Variants in IFT80 observed in about 807,000 individuals in gnomAD.
The protein encoded by IFT80 is intraflagellar transport protein 80 homolog.
In IFT80, 79 loss-of-function variants were observed where a neutral mutation model predicts 107.9. That is an observed-to-expected ratio of 0.73 (90% CI 0.61 to 0.88). IFT80 has a LOEUF of 0.88. IFT80 is among the 40% of genes least tolerant of loss of function. IFT80 has a pLI of 0.00. For missense variants in IFT80, 797 were observed against 914.2 expected, an observed-to-expected ratio of 0.87 and a Z score of 1.65; for synonymous variants, 299 against 300.9, an observed-to-expected ratio of 0.99 and a Z score of 0.07.
intron 15 of IFT80, 88 bp downstream of exon 15, chr3:160,280,579 T>C: frequency 8.9e-7 from 1 of 1,123,876 alleles, no homozygotes; most frequent in Non-Finnish European, 1.3e-6. Flanking sequence ...GTAAAACACC[T>C]TGCAGGATTG....
Position 160,277,418 on chromosome 3 carries a change from C to T in IFT80, c.1987G>A (p.Ala663Thr). 6.2e-7 allele frequency: 1 copy of T among 1,611,242 alleles called. No homozygotes were observed. The highest frequency in any genetic ancestry group is 8.5e-7 in the Non-Finnish European group (1 of 1,177,616). ...KNLPSKESKM[A>T]HILLFSGNIQ... Reference sequence around the variant, plus strand: ...TTCCCACTAAACAGTAGTATGTGGGCCATTTTTGATTCTTTAGATGGAAGA... The same window carrying T: ...TTCCCACTAAACAGTAGTATGTGGGTCATTTTTGATTCTTTAGATGGAAGA... The change falls in exon 18 of 20, where the codon GCC becomes ACC. Residue 663 changes from alanine (A) to threonine (T), a missense_variant. Coordinates refer to ENST00000326448, the MANE Select transcript of IFT80 (RefSeq NM_020800.3).
chr3:160,267,756 G>A (rs1713458868), intron 19 of IFT80, among the ~76,000 whole-genome samples: 2 of 152,164 alleles, frequency 1.3e-5, no homozygotes, highest in African/African-American at 4.8e-5. Flanking sequence ...ATTTAGAGGT[G>A]GGGTCTTGCT....
chr3:160,277,205 G>C, intron 18 of IFT80, 101 bp downstream of exon 18: 1 of 1,010,154 alleles, frequency 9.9e-7, no homozygotes, highest in Non-Finnish European at 1.6e-6. Flanking sequence ...GTGGTGTTAA[G>C]AAACTAAAAT....
chr3:160,398,401 G>GA (rs907927258), intron 1 of IFT80, among the ~76,000 whole-genome samples: 5 of 150,484 alleles, frequency 3.3e-5, no homozygotes, highest in African/African-American at 4.9e-5. Context: ...AAAAGTTAAA[G>GA]AAAAAAAAAG....
chr3:160,372,456 T>C (rs999142873), intron 5 of IFT80, among the ~76,000 whole-genome samples: 1 of 152,316 alleles, frequency 6.6e-6, no homozygotes, highest in East Asian at 1.9e-4. Flanking sequence ...TTACTGTCAT[T>C]ATAACAACTT....
chr3:160,382,808 T>C (rs1179367843), intron 2 of IFT80, among the ~76,000 whole-genome samples: 1 of 152,210 alleles, frequency 6.6e-6, no homozygotes, highest in Non-Finnish European at 1.5e-5. Flanking sequence ...TTCTAGGATG[T>C]TCCAAGATTT....
intron 18 of IFT80, among the ~76,000 whole-genome samples, chr3:160,271,249 A>AT (rs1713784367): frequency 6.6e-6 from 1 of 152,268 alleles, no homozygotes; most frequent in East Asian, 1.9e-4. Flanking sequence ...TGGGAACAGT[A>AT]TGTCTCTAGT....
At chr3:160,382,838 A>G (rs1712629952) in intron 2 of IFT80, among the ~76,000 whole-genome samples, 1 of 152,208 alleles carries the variant, frequency 6.6e-6, no homozygotes, top group African/African-American at 2.4e-5. Context: ...TCAAAATACA[A>G]TAGATTAAGC....
At chr3:160,381,478 C>A in intron 3 of IFT80, 25 bp downstream of exon 3, 1 of 1,508,270 alleles carries the variant, frequency 6.6e-7, no homozygotes, top group Non-Finnish European at 9.2e-7. Flanking sequence ...CAATGGCGAG[C>A]ATATAATGTT....
At chr3:160,311,926 G>A (rs1576790413) in intron 9 of IFT80, among the ~76,000 whole-genome samples, 2 of 152,022 alleles carry the variant, frequency 1.3e-5, no homozygotes, top group East Asian at 1.9e-4. Flanking sequence ...GACTACAGGC[G>A]CCCGCCACCA....
chr3:160,304,864 A>G (rs778110367), intron 10 of IFT80, among the ~76,000 whole-genome samples: 52 of 152,352 alleles, frequency 3.4e-4, no homozygotes, highest in Non-Finnish European at 3.5e-4. Flanking sequence ...AGAAACTGTA[A>G]TAACAGTAAT....
At chr3:160,361,412 C>T (rs947114468) in intron 6 of IFT80, among the ~76,000 whole-genome samples, 8 of 152,152 alleles carry the variant, frequency 5.3e-5, no homozygotes, top group Non-Finnish European at 1.2e-4. Flanking sequence ...CTTGGACTCC[C>T]ACACAATAAT....
chr3:160,282,173 T>C (rs745866376), intron 14 of IFT80, among the ~76,000 whole-genome samples: 3 of 152,046 alleles, frequency 2.0e-5, no homozygotes, highest in Non-Finnish European at 4.4e-5. Context: ...CCTAGCTACT[T>C]GGGAGGCTGA....
chr3:160,392,779 A>T (rs1162549606), intron 1 of IFT80, among the ~76,000 whole-genome samples: 1 of 152,232 alleles, frequency 6.6e-6, no homozygotes, highest in Non-Finnish European at 1.5e-5. Context: ...CTGATTTAAA[A>T]TAAACCACAG....
chr3:160,351,541 T>C (rs1233241425), intron 8 of IFT80, among the ~76,000 whole-genome samples: 2 of 147,252 alleles, frequency 1.4e-5, no homozygotes, highest in Non-Finnish European at 3.0e-5. Context: ...AATATATATA[T>C]ACACATATAT....
At chr3:160,328,675 A>G (rs1718861891) in intron 8 of IFT80, among the ~76,000 whole-genome samples, 1 of 152,158 alleles carries the variant, frequency 6.6e-6, no homozygotes, top group South Asian at 2.1e-4. Context: ...TTGTTCTATT[A>G]TAAAGACACA....
chr3:160,381,295 T>A (rs1273056770), intron 3 of IFT80, among the ~76,000 whole-genome samples: 2 of 136,970 alleles, frequency 1.5e-5, no homozygotes, highest in African/African-American at 5.2e-5. Context: ...TCAATCCTAG[T>A]ATATGCCAGT....
chr3:160,282,393 AT>A, intron 14 of IFT80, 84 bp downstream of exon 14: 1 of 989,164 alleles, frequency 1.0e-6, no homozygotes. Context: ...ACATTAAAAC[AT>A]TTCCAGATTC....
intron 8 of IFT80, among the ~76,000 whole-genome samples, chr3:160,325,480 A>C (rs1425659234): frequency 6.6e-6 from 1 of 152,100 alleles, no homozygotes; most frequent in Non-Finnish European, 1.5e-5. Context: ...ATAGTATATC[A>C]TCATCCTATA....
Sources: gnomAD v4.1 joint callset for allele counts (sites outside exome capture counted in the v4.1 genomes callset) on GRCh38, gnomAD v4.1.1 for gene constraint, MANE v1.5 for transcripts, NCBI Gene and HGNC (gene_info 2026-07-23, HGNC 2026-07-21) for gene names.